PKN2: variants seen among roughly 807,000 people sequenced by gnomAD.
PKN2 encodes protein kinase N2, also known as serine/threonine-protein kinase N2.
A neutral mutation model predicts 119.1 loss-of-function variants in PKN2; 38 were observed. The ratio of observed to expected loss-of-function variants is 0.32; its 90% CI spans 0.25 to 0.42. PKN2 has a LOEUF of 0.42. PKN2 is among the 10% of genes least tolerant of loss of function. The pLI, the probability that PKN2 is intolerant of heterozygous loss-of-function variation, is 1.00. For missense variants in PKN2, 850 were observed against 1,165.1 expected, an observed-to-expected ratio of 0.73 and a Z score of 3.94; for synonymous variants, 390 against 384.9, an observed-to-expected ratio of 1.01 and a Z score of -0.15.
chr1:88,803,789 A>G lies in PKN2; in HGVS notation c.1282-602A>G, dbSNP rs569433130. Among the ~76,000 whole-genome samples, 55 of 152,288 alleles carry G rather than the reference A, an allele frequency of 3.6e-4. No homozygotes were observed. The South Asian group carries it at 0.011, about 31-fold the overall frequency. ...ATAATAAATGAATATCTTTCTGTATAAAGCTTGGTCTGAATTTCCCCTTTC... is the reference window on the plus strand; with the variant it reads ...ATAATAAATGAATATCTTTCTGTATGAAGCTTGGTCTGAATTTCCCCTTTC... On this transcript the variant is annotated intron_variant, in intron 8 of 21. Coordinates refer to ENST00000370521, the MANE Select transcript of PKN2 (RefSeq NM_006256.4).
chr1:88,755,458 CTT>C (rs1486045512), intron 2 of PKN2, among the ~76,000 whole-genome samples: 1 of 152,096 alleles, frequency 6.6e-6, no homozygotes, highest in Non-Finnish European at 1.5e-5. Flanking sequence ...TAGGTGTACA[CTT>C]TTGTGACCTT....
In PKN2 at chr1:88,771,816, C is replaced by T. The variant is rs781364161; in HGVS notation, c.922C>T (p.Arg308Cys). The change falls in exon 6 of 22, where the codon CGT (arginine) becomes TGT (cysteine). Residue 308 changes from arginine to cysteine, a missense_variant. By Grantham distance (180) the Arg-to-Cys change is radical. Transcript: ENST00000370521. ...TGCTGCATCACCAACACTAAGTCCA[C>T]GTCAAAGTATGATATCTACGCAAAA... is the stretch of plus-strand genomic sequence containing the variant. The part of the protein sequence containing the change: ...LVAASPTLSP[R>C]QSMISTQNQY... 5 of 1,613,876 alleles carry T rather than the reference C, an allele frequency of 3.1e-6. No individual in the cohort carries two copies. The highest frequency in any genetic ancestry group is 4.2e-6 in the Non-Finnish European group (5 of 1,179,882).
rs1050444880 is a variant in PKN2 at position 88,817,703 on chromosome 1, C to T, written c.2279+3970C>T. Among the ~76,000 whole-genome samples the T allele has an allele frequency of 1.1e-4, 12 of 112,972 alleles. No homozygotes were observed. The East Asian group carries it at 1.4e-3, about 13-fold the overall frequency. The allele number at this position is 112,972 out of a possible 152,430, so 74.1% of individuals were successfully genotyped here. A position where few individuals can be genotyped will look rare whatever the true frequency, so the allele number is the denominator to read the frequency against. ...CAGTCTGGGCGACAAAGCGAGACTC[C>T]GTCTCAAAAAAAAAAAAAAGAAAAG... On this transcript the variant is annotated intron_variant, in intron 16 of 21. Transcript: ENST00000370521.
intron 6 of PKN2, among the ~76,000 whole-genome samples, chr1:88,774,537 A>G (rs765693421): frequency 2.0e-5 from 3 of 152,114 alleles, no homozygotes; most frequent in Non-Finnish European, 4.4e-5. Context: ...AAAGGTTTAG[A>G]CTTAGAGGCT....
rs190901407 is a variant in PKN2 at position 88,738,583 on chromosome 1, C to T, written c.49-2405C>T. Among the ~76,000 whole-genome samples, 6 of 152,234 alleles carry T rather than the reference C, an allele frequency of 3.9e-5. No individual in the cohort carries two copies. The East Asian group carries it at 7.7e-4, about 20-fold the overall frequency. ...GGAAAGAAATGGGAGTTGAGGTAGG[C>T]AGTAAACGAAAGTGTTAGGTATTTC... On this transcript the variant is annotated intron_variant, in intron 1 of 21. Coordinates refer to ENST00000370521, the MANE Select transcript of PKN2 (RefSeq NM_006256.4).
Position 88,760,256 on chromosome 1 carries a change from C to A in PKN2, c.384C>A (p.Asp128Glu), listed in dbSNP as rs757765901. ...CPRTPDTPNN[D>E]PRCSTSNNRL... ...GGACTCCAGATACTCCAAATAATGACCCTCGTTGTTCTACTAGCAACAATA... is the reference window on the plus strand; with the variant it reads ...GGACTCCAGATACTCCAAATAATGAACCTCGTTGTTCTACTAGCAACAATA... The change falls in exon 3 of 22, where the codon GAC (aspartate) becomes GAA (glutamate). Residue 128 changes from aspartate to glutamate, a missense_variant. This residue lies in a region of PKN2 where 350 missense variants were observed against 511.1 expected (regional missense o/e 0.68). Coordinates refer to ENST00000370521, the MANE Select transcript of PKN2 (RefSeq NM_006256.4). 5.1e-6 allele frequency: 8 copies of A among 1,576,282 alleles called. No individual in the cohort carries two copies. The highest frequency in any genetic ancestry group is 3.4e-5 in the Admixed American group (2 of 58,062).
intron 17 of PKN2, 124 bp from the exon 18 acceptor site, chr1:88,824,186 A>C (rs1490162377): frequency 1.9e-5 from 11 of 576,040 alleles, no homozygotes; most frequent in Admixed American, 1.3e-4. Flanking sequence ...TCAAATCATA[A>C]CTTGGAAATC....
At chr1:88,723,089 T>C (rs1415738075) in intron 1 of PKN2, among the ~76,000 whole-genome samples, 3 of 151,970 alleles carry the variant, frequency 2.0e-5, no homozygotes, top group Non-Finnish European at 4.4e-5. Flanking sequence ...TCAAACATGG[T>C]TCTTTGAATA....
chr1:88,778,993 G>A (rs1018628135), intron 6 of PKN2, among the ~76,000 whole-genome samples: 1 of 152,224 alleles, frequency 6.6e-6, no homozygotes, highest in Admixed American at 6.5e-5. Context: ...AGAATGCTGG[G>A]ATTACAGGCA....
intron 16 of PKN2, among the ~76,000 whole-genome samples, chr1:88,818,647 CAAAAAAA>C (rs199849657): frequency 0.074 from 6,044 of 81,770 alleles, 203 homozygotes; most frequent in African/African-American, 0.12. Flanking sequence ...GACTCCTTCT[CAAAAAAA>C]AAAAAAAAAG....
At chr1:88,708,994 G>A (rs67337420) in intron 1 of PKN2, among the ~76,000 whole-genome samples, 10,134 of 151,278 alleles carry the variant, frequency 0.067, 693 homozygotes, top group African/African-American at 0.18. Flanking sequence ...CATTCAGCAA[G>A]TATTCACTGA....
In PKN2 at chr1:88,805,486, A is replaced by G. The variant is rs1426026468; in HGVS notation, c.1502-11A>G. On this transcript the variant is annotated splice_polypyrimidine_tract_variant and intron_variant, in intron 10 of 21. Coordinates refer to ENST00000370521, the MANE Select transcript of PKN2 (RefSeq NM_006256.4). ...ATTACTTGCTGTTTTTGTTTTTTTC[A>G]ACATCTACAGGCAAAACATTTCTCA... The G allele has an allele frequency of 1.3e-6, 2 of 1,558,348 alleles. No homozygotes were observed.
intron 8 of PKN2, among the ~76,000 whole-genome samples, chr1:88,795,722 G>A (rs1671037906): frequency 6.6e-6 from 1 of 152,202 alleles, no homozygotes; most frequent in African/African-American, 2.4e-5. Flanking sequence ...CCAAAGTCAA[G>A]TCTGTCTGAA....
At chr1:88,707,227 A>G (rs141356471) in intron 1 of PKN2, among the ~76,000 whole-genome samples, 1 of 152,226 alleles carries the variant, frequency 6.6e-6, no homozygotes, top group African/African-American at 2.4e-5. Context: ...TTATAGATGT[A>G]AGCCCTACTT....
chr1:88,755,542 C>G (rs1299201367), intron 2 of PKN2, among the ~76,000 whole-genome samples: 1 of 152,170 alleles, frequency 6.6e-6, no homozygotes, highest in Admixed American at 6.5e-5. Context: ...TTTATGACTT[C>G]TTGTGAAGAT....
At chr1:88,751,150 C>CT (rs34499867) in intron 2 of PKN2, among the ~76,000 whole-genome samples, 2 of 151,982 alleles carry the variant, frequency 1.3e-5, no homozygotes, top group Non-Finnish European at 2.9e-5. Flanking sequence ...CCTATGTTTT[C>CT]TTTTTTTACC....
intron 16 of PKN2, among the ~76,000 whole-genome samples, chr1:88,819,693 A>G (rs1438153118): frequency 2.0e-5 from 3 of 151,966 alleles, no homozygotes; most frequent in Non-Finnish European, 4.4e-5. Context: ...TAAATTCTGT[A>G]AAGACACATG....
intron 16 of PKN2, among the ~76,000 whole-genome samples, chr1:88,815,776 A>G (rs1480705400): frequency 6.6e-6 from 1 of 152,252 alleles, no homozygotes; most frequent in Non-Finnish European, 1.5e-5. Flanking sequence ...AATACCGGAC[A>G]AACAGGAGCA....
chr1:88,805,528 T>C lies in PKN2; in HGVS notation c.1533T>C (p.Asn511=). Residue 511 remains asparagine, a synonymous_variant, in exon 11 of 22, where the codon AAT becomes AAC. Transcript: ENST00000370521. ...CATTTCTCAGAGCTCCTCAAATGAA[T>C]ATTAATATTGCCACTTGGGGAAGGC... ...GKTFLRAPQM[N]INIATWGRLV... 6.2e-7 allele frequency: 1 copy of C among 1,613,358 alleles called. No individual in the cohort carries two copies. Among genetic ancestry groups the C allele is most frequent in the Non-Finnish European group, 8.5e-7 (1 of 1,179,524 alleles).
Sources: allele counts gnomAD v4.1 joint callset (sites outside exome capture counted in the v4.1 genomes callset), GRCh38; gene constraint gnomAD v4.1.1; regional missense constraint gnomAD v4.1.1; transcripts MANE v1.5; gene names NCBI Gene and HGNC (gene_info 2026-07-23, HGNC 2026-07-21).